PUM3: variants seen among roughly 807,000 people sequenced by gnomAD.
PUM3 encodes the protein pumilio RNA binding family member 3.
A neutral mutation model predicts 84.0 loss-of-function variants in PUM3; 91 were observed. The observed-to-expected ratio is 1.08, with a 90% confidence interval of 0.91 to 1.29. The LOEUF (loss-of-function observed/expected upper bound fraction) is 1.29. Among genes scored for constraint, PUM3 ranks in the 50% most tolerant of loss-of-function variants. The pLI is 0.00. For synonymous variants in PUM3, 321 were observed against 266.7 expected, an observed-to-expected ratio of 1.20 and a Z score of -1.98; for missense variants, 1,067 against 767.5, an observed-to-expected ratio of 1.39 and a Z score of -4.61.
chr9:2,824,759 G>T lies in PUM3; in HGVS notation c.1092C>A (p.Gly364=). Reference sequence around the variant, plus strand: ...ACAGGCAGTGCATGGCCACTCTGGCGCCATCGTGTGTGTGTGCCAGGTAGA... The same window carrying T: ...ACAGGCAGTGCATGGCCACTCTGGCTCCATCGTGTGTGTGTGCCAGGTAGA... ...AVVYLAHTHD[G]ARVAMHCLWH... is the part of the protein sequence containing the mutation. The change falls in exon 11 of 18, where the codon GGC becomes GGA. Residue 364 remains glycine (G), a synonymous_variant. Transcript: ENST00000397885. The T allele has an allele frequency of 6.3e-7, 1 of 1,588,788 alleles. No individual in the cohort carries two copies. Among genetic ancestry groups the T allele is most frequent in the Non-Finnish European group, 8.6e-7 (1 of 1,164,136 alleles).
intron 12 of PUM3, among the ~76,000 whole-genome samples, chr9:2,820,426 C>G (rs1390521494): frequency 6.6e-6 from 1 of 151,924 alleles, no homozygotes; most frequent in Non-Finnish European, 1.5e-5. Context: ...GAAAATTATA[C>G]TTAAAAGTTC....
At chr9:2,823,538 C>G (rs1000853052) in intron 12 of PUM3, among the ~76,000 whole-genome samples, 8 of 151,682 alleles carry the variant, frequency 5.3e-5, no homozygotes, top group Non-Finnish European at 1.2e-4. Flanking sequence ...CAAAGAATAT[C>G]TAATAAAAGT....
At chr9:2,833,036 T>TTCTAAATACTAAAAAC (rs1816025575) in intron 5 of PUM3, among the ~76,000 whole-genome samples, 1 of 152,188 alleles carries the variant, frequency 6.6e-6, no homozygotes, top group Admixed American at 6.5e-5. Context: ...CATACTAAAT[T>TTCTAAATACTAAAAAC]ATATGGAGTT....
At chr9:2,813,568 CAT>C (rs1389719137) in intron 13 of PUM3, among the ~76,000 whole-genome samples, 1 of 152,160 alleles carries the variant, frequency 6.6e-6, no homozygotes, top group Non-Finnish European at 1.5e-5. Context: ...TCAAAGAAAA[CAT>C]AAAACCTCCT....
At chr9:2,821,325 T>G (rs948387335) in intron 12 of PUM3, among the ~76,000 whole-genome samples, 2 of 151,314 alleles carry the variant, frequency 1.3e-5, no homozygotes, top group Non-Finnish European at 2.9e-5. Flanking sequence ...GCGCCTGTAG[T>G]CCCAGCTACT....
In PUM3 at chr9:2,828,821, A is replaced by G. The variant is rs371793276; in HGVS notation, c.853-43T>C. The G allele has an allele frequency of 1.1e-5, 12 of 1,074,042 alleles. No homozygotes were observed. In the African/African-American group the frequency reaches 1.3e-4, roughly 11 times the overall value. The allele number at this position is 1,074,042 out of a possible 1,614,324, so 66.5% of individuals were successfully genotyped here. Reference sequence around the variant, plus strand: ...AATCAAACCCCTCTAAATTTAATCAATTTTTTCACTTCAGGAAAAAGAAAA... The same window carrying G: ...AATCAAACCCCTCTAAATTTAATCAGTTTTTTCACTTCAGGAAAAAGAAAA... On this transcript the variant is annotated intron_variant, in intron 8 of 17. Transcript: ENST00000397885.
At chr9:2,834,744 GAA>G (rs1816074536) in intron 3 of PUM3, among the ~76,000 whole-genome samples, 1 of 152,108 alleles carries the variant, frequency 6.6e-6, no homozygotes, top group Non-Finnish European at 1.5e-5. Context: ...CTCAAACCTA[GAA>G]ACAACCCTCT....
intron 13 of PUM3, 32 bp from the exon 14 acceptor site, chr9:2,812,394 A>T (rs1300102848): frequency 7.0e-7 from 1 of 1,434,422 alleles, no homozygotes; most frequent in East Asian, 2.3e-5. Flanking sequence ...AAAAGAATCA[A>T]TATCTGCATT....
intron 1 of PUM3, among the ~76,000 whole-genome samples, chr9:2,841,519 G>C (rs919747811): frequency 3.3e-5 from 5 of 152,186 alleles, no homozygotes; most frequent in African/African-American, 1.2e-4. Flanking sequence ...AGCGAGCTGA[G>C]ATTGTGCCAC....
At chr9:2,832,044 C>T (rs544203991) in intron 5 of PUM3, among the ~76,000 whole-genome samples, 65 of 152,260 alleles carry the variant, frequency 4.3e-4, no homozygotes, top group African/African-American at 1.2e-3. Context: ...ATTTTCACTA[C>T]GCCACAGTAC....
In PUM3 at chr9:2,832,535, C is replaced by T. The variant is rs564267603; in HGVS notation, c.516+822G>A. Among the ~76,000 whole-genome samples the T allele has an allele frequency of 2.6e-5, 4 of 152,200 alleles. No homozygotes were observed. The East Asian group carries it at 7.7e-4, about 29-fold the overall frequency. ...TTAAAGGCACACATATTTTAAGCAG[C>T]CCAGCCAGGATTTGAATACCAAACT... On this transcript the variant is annotated intron_variant, in intron 5 of 17. Transcript: ENST00000397885.
intron 13 of PUM3, among the ~76,000 whole-genome samples, chr9:2,817,499 A>G (rs1230759851): frequency 2.0e-5 from 3 of 152,230 alleles, no homozygotes; most frequent in Non-Finnish European, 4.4e-5. Context: ...CCTGACAATA[A>G]ATCTCACAAA....
rs746040168 is a variant in PUM3 at position 2,810,366 on chromosome 9, C to G, written c.1701G>C (p.Lys567Asn). ...TACCTTCTCTCCCATTTTCTTTCAT[C>G]TTTTTATCTTGCTCTATTAACCACT... ...VLKWLIEQDK[K>N]MKENGREGCF... The change falls in exon 16 of 18, where the codon AAG (lysine) becomes AAC (asparagine). Residue 567 changes from lysine to asparagine, a missense_variant. By Grantham distance (94) the Lys-to-Asn change is moderately conservative. Coordinates refer to ENST00000397885, the MANE Select transcript of PUM3 (RefSeq NM_014878.5). 46 of 1,609,836 alleles carry G rather than the reference C, an allele frequency of 2.9e-5. No individual in the cohort carries two copies. The highest frequency in any genetic ancestry group is 3.7e-5 in the Non-Finnish European group (44 of 1,176,782).
rs1270249267 is a variant in PUM3 at position 2,825,731 on chromosome 9, C to T, written c.1036-916G>A. ...TACTGACCTTGTGATCTGCCCGCCT[C>T]GGGTTCCCAAAGTGCTGGGATTACA... On this transcript the variant is annotated intron_variant, in intron 10 of 17. Transcript: ENST00000397885. Among the ~76,000 whole-genome samples, 4 of 152,104 alleles carry T rather than the reference C, an allele frequency of 2.6e-5. No individual in the cohort carries two copies. In the South Asian group the frequency reaches 8.3e-4, roughly 32 times the overall value.
rs1586726486 is a variant in PUM3, at chr9:2,831,119, A to T, written c.611-91T>A. ...GAAATTTGTCCCAGGCAAGGAAAAA[A>T]TAAAAACAAAAAAGGATCTGGAGAA... On this transcript the variant is annotated intron_variant, in intron 6 of 17. Transcript: ENST00000397885. 3.0e-6 allele frequency: 3 copies of T among 992,978 alleles called. No homozygotes were observed. The East Asian group carries it at 7.4e-5, about 25-fold the overall frequency. The allele number at this position is 992,978 out of a possible 1,614,324, so 61.5% of individuals were successfully genotyped here.
chr9:2,809,225 C>T (rs904707816), intron 16 of PUM3, among the ~76,000 whole-genome samples: 6 of 152,130 alleles, frequency 3.9e-5, no homozygotes, highest in Admixed American at 6.5e-5. Flanking sequence ...AACAGCTAGA[C>T]GTGCAGGAGG....
At chr9:2,837,782 C>G (rs1335330227) in intron 2 of PUM3, among the ~76,000 whole-genome samples, 2 of 152,040 alleles carry the variant, frequency 1.3e-5, no homozygotes, top group Non-Finnish European at 2.9e-5. Context: ...AGTTCAATAA[C>G]AAAAGAAGTC....
chr9:2,833,106 G>A (rs1326582437), intron 5 of PUM3, among the ~76,000 whole-genome samples: 1 of 152,050 alleles, frequency 6.6e-6, no homozygotes, highest in Non-Finnish European at 1.5e-5. Context: ...TAACTTTAAG[G>A]AAACACTGGC....
At chr9:2,824,639 G>C in intron 11 of PUM3, 78 bp downstream of exon 11, 1 of 924,232 alleles carries the variant, frequency 1.1e-6, no homozygotes, top group Non-Finnish European at 1.5e-6. Context: ...AAAAGTCTAA[G>C]GACAGCTAAG....
Sources: allele counts gnomAD v4.1 joint callset (sites outside exome capture counted in the v4.1 genomes callset), GRCh38; gene constraint gnomAD v4.1.1; transcripts MANE v1.5; gene names NCBI Gene and HGNC (gene_info 2026-07-23, HGNC 2026-07-21).